The following PCDH7 variants were observed in gnomAD, a reference collection of about 807,000 sequenced individuals.
PCDH7 encodes the protein protocadherin 7, also known as protocadherin-7.
A neutral mutation model predicts 58.9 loss-of-function variants in PCDH7; 17 were observed. The ratio of observed to expected loss-of-function variants is 0.29; its 90% CI spans 0.20 to 0.43. The LOEUF is 0.43. Ranked by LOEUF, PCDH7 falls within the 20% of genes least tolerant of loss-of-function variation. PCDH7 has a pLI of 1.00. For missense variants in PCDH7, 1,274 were observed against 1,441.0 expected (o/e 0.88, Z 1.88); for synonymous variants, 664 against 616.4 (o/e 1.08, Z -1.14).
intron 3 of PCDH7, among the ~76,000 whole-genome samples, chr4:31,095,685 G>A (rs928654132): frequency 2.0e-5 from 3 of 152,092 alleles, no homozygotes; most frequent in Non-Finnish European, 2.9e-5. Context: ...GCTTGGGAGT[G>A]GAGTATTTAA....
intron 3 of PCDH7, among the ~76,000 whole-genome samples, chr4:31,011,197 G>C (rs1753160235): frequency 2.0e-5 from 3 of 151,978 alleles, no homozygotes; most frequent in Admixed American, 2.0e-4. Flanking sequence ...GGAATATATA[G>C]ATAGATCATT....
chr4:30,900,220 ATATC>A (rs1740037974), intron 1 of PCDH7, among the ~76,000 whole-genome samples: 1 of 152,206 alleles, frequency 6.6e-6, no homozygotes, highest in African/African-American at 2.4e-5. Flanking sequence ...GGGTTGTCTT[ATATC>A]ATAGAGCAAA....
intron 1 of PCDH7, among the ~76,000 whole-genome samples, chr4:30,848,566 T>C (rs1578033885): frequency 6.6e-6 from 1 of 152,146 alleles, no homozygotes; most frequent in South Asian, 2.1e-4. Context: ...TAAATTAGTC[T>C]GGCATAAACA....
chr4:31,053,991 G>A (rs1347337361), intron 3 of PCDH7, among the ~76,000 whole-genome samples: 2 of 152,178 alleles, frequency 1.3e-5, no homozygotes, highest in East Asian at 1.9e-4. Context: ...ACATGGTCTT[G>A]TTCTGTCATC....
chr4:31,090,514 C>T (rs1713097173), intron 3 of PCDH7, among the ~76,000 whole-genome samples: 1 of 152,172 alleles, frequency 6.6e-6, no homozygotes, highest in Non-Finnish European at 1.5e-5. Flanking sequence ...CTTACTCATT[C>T]TTTCTAACCA....
At chr4:31,015,529 C>T (rs779581400) in intron 3 of PCDH7, among the ~76,000 whole-genome samples, 2 of 152,102 alleles carry the variant, frequency 1.3e-5, no homozygotes, top group Non-Finnish European at 2.9e-5. Context: ...AAGCGTGACA[C>T]GTCAAATCCT....
intron 1 of PCDH7, among the ~76,000 whole-genome samples, chr4:30,754,789 C>T (rs1719058603): frequency 6.6e-6 from 1 of 152,032 alleles, no homozygotes; most frequent in Non-Finnish European, 1.5e-5. Context: ...TATCTAATTA[C>T]ATAGCTTAAC....
At chr4:30,878,764 C>T (rs1399340946) in intron 1 of PCDH7, among the ~76,000 whole-genome samples, 2 of 152,006 alleles carry the variant, frequency 1.3e-5, no homozygotes, top group Admixed American at 6.6e-5. Context: ...GCAGGAAAAT[C>T]GCTTGAACCT....
At chr4:31,090,509 T>C (rs573540668) in intron 3 of PCDH7, among the ~76,000 whole-genome samples, 1 of 152,218 alleles carries the variant, frequency 6.6e-6, no homozygotes, top group Admixed American at 6.6e-5. Flanking sequence ...TAGGCCTTAC[T>C]CATTCTTTCT....
At chr4:30,822,727 G>A (rs2109322749) in intron 1 of PCDH7, among the ~76,000 whole-genome samples, 1 of 151,528 alleles carries the variant, frequency 6.6e-6, no homozygotes, top group East Asian at 2.0e-4. Context: ...GCAACTGTGG[G>A]GAGTGCGCAG....
At chr4:30,764,640 G>T (rs1720456116) in intron 1 of PCDH7, among the ~76,000 whole-genome samples, 1 of 152,068 alleles carries the variant, frequency 6.6e-6, no homozygotes, top group South Asian at 2.1e-4. Context: ...GATCTTTATT[G>T]GTATATGAGA....
At chr4:31,063,493 A>G (rs938105522) in intron 3 of PCDH7, among the ~76,000 whole-genome samples, 1 of 151,374 alleles carries the variant, frequency 6.6e-6, no homozygotes, top group Non-Finnish European at 1.5e-5. Flanking sequence ...AATAATGGTA[A>G]TTATTATTAT....
At chr4:30,934,032 A>G (rs1265585084) in intron 2 of PCDH7, among the ~76,000 whole-genome samples, 1 of 152,170 alleles carries the variant, frequency 6.6e-6, no homozygotes, top group African/African-American at 2.4e-5. Flanking sequence ...CCCTTTATTC[A>G]GTGTGATCAA....
In PCDH7 at chr4:30,823,356, T is replaced by G. The variant is rs144365636; in HGVS notation, c.71-96797T>G. Among the ~76,000 whole-genome samples, 466 of 152,286 alleles carry G rather than the reference T, an allele frequency of 3.1e-3. 5 individuals are homozygous for G. The highest frequency in any genetic ancestry group is 0.011 in the African/African-American group (441 of 41,572). ...ATTAGCTGTGGAAAATCTGCTGAGC[T>G]TGCTCTTCAAGGCAAGCATGTCGTC... On this transcript the variant is annotated intron_variant, in intron 1 of 3. Transcript: ENST00000509759.
chr4:31,100,063 G>A (rs1463841), intron 3 of PCDH7, among the ~76,000 whole-genome samples: 3,464 of 152,178 alleles, frequency 0.023, 49 homozygotes, highest in Middle Eastern at 0.041. Context: ...CTTTCACTTT[G>A]CCATGGATGT....
chr4:31,021,365 T>C (rs1754002676), intron 3 of PCDH7, among the ~76,000 whole-genome samples: 1 of 152,150 alleles, frequency 6.6e-6, no homozygotes, highest in Non-Finnish European at 1.5e-5. Context: ...TTTCAGACCT[T>C]CTATGGAGGA....
At chr4:30,801,988 A>G (rs1034403592) in intron 1 of PCDH7, among the ~76,000 whole-genome samples, 1 of 152,222 alleles carries the variant, frequency 6.6e-6, no homozygotes, top group Non-Finnish European at 1.5e-5. Flanking sequence ...CAGTCCTACC[A>G]GGCTAAATTC....
At chr4:30,747,239 C>A (rs917214032) in intron 1 of PCDH7, among the ~76,000 whole-genome samples, 1 of 152,182 alleles carries the variant, frequency 6.6e-6, no homozygotes, top group South Asian at 2.1e-4. Flanking sequence ...TCCTCTAATT[C>A]ATGTCCTACA....
chr4:31,009,471 A>G (rs557265463), intron 3 of PCDH7, among the ~76,000 whole-genome samples: 3 of 152,160 alleles, frequency 2.0e-5, no homozygotes, highest in Non-Finnish European at 2.9e-5. Flanking sequence ...CACAAAATCT[A>G]CACAGTACCG....
Sources: allele counts gnomAD v4.1 joint callset (sites outside exome capture counted in the v4.1 genomes callset), GRCh38; gene constraint gnomAD v4.1.1; transcripts MANE v1.5; gene names NCBI Gene and HGNC (gene_info 2026-07-23, HGNC 2026-07-21).